The following MICU1 variants were observed in gnomAD, a reference collection of about 807,000 sequenced individuals.
MICU1 encodes calcium uptake protein 1, mitochondrial.
A neutral mutation model predicts 56.8 loss-of-function variants in MICU1; 45 were observed. That is an observed-to-expected ratio of 0.79 (90% CI 0.62 to 1.02). The LOEUF is 1.02. Ranked by LOEUF, MICU1 falls within the 50% of genes least tolerant of loss-of-function variation. The pLI is 0.00. For missense variants in MICU1, 504 were observed against 587.1 expected (o/e 0.86, Z 1.46); for synonymous variants, 186 against 195.1 (o/e 0.95, Z 0.39).
chr10:72,402,407 A>G (rs1863484814), intron 10 of MICU1, among the ~76,000 whole-genome samples: 1 of 152,194 alleles, frequency 6.6e-6, no homozygotes, highest in Non-Finnish European at 1.5e-5. Context: ...ATGTTATTTT[A>G]ATGTAAATTC....
At chr10:72,607,817 G>C (rs1243746529) in intron 1 of MICU1, among the ~76,000 whole-genome samples, 1 of 151,958 alleles carries the variant, frequency 6.6e-6, no homozygotes, top group Non-Finnish European at 1.5e-5. Context: ...AGCATCTAAG[G>C]GGGAACAGTT....
chr10:72,585,658 C>CA (rs201988384), intron 1 of MICU1, among the ~76,000 whole-genome samples: 2,530 of 123,746 alleles, frequency 0.02, 59 homozygotes, highest in African/African-American at 0.059. Context: ...GACTCTTTCT[C>CA]AAAAAAAAAA....
At chr10:72,542,079 A>T (rs1839786593) in intron 4 of MICU1, among the ~76,000 whole-genome samples, 1 of 152,236 alleles carries the variant, frequency 6.6e-6, no homozygotes, top group African/African-American at 2.4e-5. Context: ...CTAGGGAAAG[A>T]CAATGAATAT....
chr10:72,370,821 C>T (rs557582706), intron 11 of MICU1, among the ~76,000 whole-genome samples: 58 of 150,412 alleles, frequency 3.9e-4, no homozygotes, highest in Middle Eastern at 3.7e-3. Context: ...GCTTAAGGCC[C>T]GGAGTTCAAG....
intron 1 of MICU1, among the ~76,000 whole-genome samples, chr10:72,591,368 A>G (rs1278806053): frequency 6.6e-6 from 1 of 152,152 alleles, no homozygotes; most frequent in African/African-American, 2.4e-5. Context: ...AAGGAAGATA[A>G]TAATAATGAT....
At chr10:72,583,470 G>T (rs1238332085) in intron 1 of MICU1, among the ~76,000 whole-genome samples, 4 of 151,948 alleles carry the variant, frequency 2.6e-5, no homozygotes. Context: ...TAGTAGAGAT[G>T]GGGTTTCACC....
chr10:72,594,461 G>T (rs774088285), intron 1 of MICU1, among the ~76,000 whole-genome samples: 2 of 151,686 alleles, frequency 1.3e-5, no homozygotes, highest in African/African-American at 2.4e-5. Context: ...AGAAAACCTA[G>T]ATAGGGAAAA....
In MICU1 at chr10:72,607,265, C is replaced by T. The variant is rs543390324; in HGVS notation, c.-2+18745G>A. Among the ~76,000 whole-genome samples the T allele has an allele frequency of 2.0e-5, 3 of 151,204 alleles. No homozygotes were observed. In the East Asian group the frequency reaches 5.8e-4, roughly 29 times the overall value. ...CTGAGTCATGAGAATAGCTTGAACCCGGTAGGCGGAGGTTGGAGTGAGCCG... is the reference window on the plus strand; with the variant it reads ...CTGAGTCATGAGAATAGCTTGAACCTGGTAGGCGGAGGTTGGAGTGAGCCG... On this transcript the variant is annotated intron_variant, in intron 1 of 11. Coordinates refer to ENST00000361114, the MANE Select transcript of MICU1 (RefSeq NM_001195518.2).
At chr10:72,590,244 A>G (rs1219037643) in intron 1 of MICU1, among the ~76,000 whole-genome samples, 1 of 152,228 alleles carries the variant, frequency 6.6e-6, no homozygotes, top group Non-Finnish European at 1.5e-5. Context: ...ACCAAAAGAG[A>G]GCAGGCGTGG....
intron 5 of MICU1, among the ~76,000 whole-genome samples, chr10:72,519,738 A>G (rs1867761776): frequency 6.6e-6 from 1 of 152,124 alleles, no homozygotes; most frequent in Non-Finnish European, 1.5e-5. Context: ...GCCTTCTGGG[A>G]CTCAAGTATA....
At chr10:72,377,045 G>C (rs1862545098) in intron 10 of MICU1, among the ~76,000 whole-genome samples, 1 of 151,956 alleles carries the variant, frequency 6.6e-6, no homozygotes. Flanking sequence ...CTCCCTACTG[G>C]TTTTGCACCA....
At chr10:72,423,917 T>C (rs1312114613) in intron 8 of MICU1, among the ~76,000 whole-genome samples, 1 of 152,218 alleles carries the variant, frequency 6.6e-6, no homozygotes. Flanking sequence ...TTGATAGAGA[T>C]AGGACTTACA....
chr10:72,492,534 G>A (rs1291353818), intron 6 of MICU1, among the ~76,000 whole-genome samples: 2 of 151,748 alleles, frequency 1.3e-5, no homozygotes, highest in Non-Finnish European at 2.9e-5. Flanking sequence ...AGGTTGAGGC[G>A]GATGGATCAC....
chr10:72,445,426 G>A (rs914368214), intron 8 of MICU1, among the ~76,000 whole-genome samples: 1 of 152,078 alleles, frequency 6.6e-6, no homozygotes, highest in Non-Finnish European at 1.5e-5. Flanking sequence ...TGAGAATATT[G>A]ATCAAAACAC....
intron 1 of MICU1, among the ~76,000 whole-genome samples, chr10:72,618,835 A>G: frequency 6.6e-6 from 1 of 152,214 alleles, no homozygotes; most frequent in Non-Finnish European, 1.5e-5. Flanking sequence ...AAATATGTCT[A>G]AAAAAACTAA....
chr10:72,578,303 G>C (rs951857410), intron 1 of MICU1, among the ~76,000 whole-genome samples: 2 of 152,004 alleles, frequency 1.3e-5, no homozygotes, highest in Non-Finnish European at 2.9e-5. Context: ...TATCACCCAA[G>C]TTGGAGTGCA....
chr10:72,475,218 G>T lies in MICU1; in HGVS notation c.815C>A (p.Ser272Tyr). ...DRPTTGNTLK[S>Y]GLCSALTTYF... ...GGTTGTGAGGGCTGAACACAAGCCA[G>T]ACTTGAGGGTGTTGCCAGTAGTTGG... The change falls in exon 8 of 12, where the codon TCT becomes TAT. Residue 272 changes from serine to tyrosine, a missense_variant. Physicochemically the swap from Ser to Tyr is moderately radical, Grantham distance 144. Coordinates refer to ENST00000361114, the MANE Select transcript of MICU1 (RefSeq NM_001195518.2). 1 of 1,611,118 alleles carries T rather than the reference G, an allele frequency of 6.2e-7. No homozygotes were observed. The highest frequency in any genetic ancestry group is 1.1e-5 in the South Asian group (1 of 90,374).
chr10:72,469,048 G>A (rs1048304886), intron 8 of MICU1, among the ~76,000 whole-genome samples: 5 of 152,142 alleles, frequency 3.3e-5, no homozygotes, highest in Non-Finnish European at 4.4e-5. Flanking sequence ...TTGTGTTTCA[G>A]TTTCTACATC....
chr10:72,480,733 AG>A (rs1255449107), intron 6 of MICU1, among the ~76,000 whole-genome samples: 1 of 152,246 alleles, frequency 6.6e-6, no homozygotes, highest in Non-Finnish European at 1.5e-5. Context: ...CCACAATTAC[AG>A]AGGTGACACA....
Sources: gnomAD v4.1 joint callset for allele counts (sites outside exome capture counted in the v4.1 genomes callset) on GRCh38, gnomAD v4.1.1 for gene constraint, MANE v1.5 for transcripts, NCBI Gene and HGNC (gene_info 2026-07-23, HGNC 2026-07-21) for gene names.